FRY: variants seen among roughly 807,000 people sequenced by gnomAD.
The protein encoded by FRY is FRY microtubule binding protein.
A neutral mutation model predicts 348.4 loss-of-function variants in FRY; 128 were observed. That is an observed-to-expected ratio of 0.37 (90% confidence interval 0.32 to 0.43). The LOEUF (loss-of-function observed/expected upper bound fraction) is 0.43. Ranked by LOEUF, FRY falls within the 20% of genes least tolerant of loss-of-function variation. The pLI is 1.00. For synonymous variants in FRY, 1,370 were observed against 1,374.7 expected, an observed-to-expected ratio of 1.00 and a Z score of 0.08; for missense variants, 2,736 against 3,695.2, an observed-to-expected ratio of 0.74 and a Z score of 6.73.
At chr13:32,139,206 T>C (rs980788499) in intron 11 of FRY, among the ~76,000 whole-genome samples, 1 of 152,200 alleles carries the variant, frequency 6.6e-6, no homozygotes, top group African/African-American at 2.4e-5. Context: ...AAGAAATACC[T>C]GAGAAAAAAC....
intron 49 of FRY, among the ~76,000 whole-genome samples, chr13:32,250,150 C>A (rs753496781): frequency 1.7e-4 from 26 of 152,330 alleles, no homozygotes; most frequent in Non-Finnish European, 2.9e-4. Flanking sequence ...ACGGGCTGAG[C>A]CATGCAGATG....
chr13:32,209,126 T>G lies in FRY; in HGVS notation c.4275+17T>G, dbSNP rs377229088. The G allele has an allele frequency of 5.6e-6, 9 of 1,613,732 alleles. No homozygotes were observed. The African/African-American group carries it at 8.0e-5, about 14-fold the overall frequency. Reference sequence around the variant, plus strand: ...ACGGCCAAGGTAAACTCAGAGGAATTGTGCTTCAAATAGCATGGCTCCATC... The same window carrying G: ...ACGGCCAAGGTAAACTCAGAGGAATGGTGCTTCAAATAGCATGGCTCCATC... On this transcript the variant is annotated intron_variant, in intron 32 of 60. Transcript: ENST00000542859.
At position 32,124,778 on chromosome 13, in the gene FRY, A is replaced by C. The variant is rs763028454; in HGVS notation, c.636-17A>C. 5 of 1,593,552 alleles carry C rather than the reference A, an allele frequency of 3.1e-6. No individual in the cohort carries two copies. Among genetic ancestry groups the C allele is most frequent in the Non-Finnish European group, 4.3e-6 (5 of 1,161,218 alleles). ...ATGACCAGGGATCCCTAACTTGTCTAATTATACCCTACTTAGGTACCTTGG... is the reference window on the plus strand; with the variant it reads ...ATGACCAGGGATCCCTAACTTGTCTCATTATACCCTACTTAGGTACCTTGG... On this transcript the variant is annotated splice_polypyrimidine_tract_variant and intron_variant, in intron 6 of 60. Coordinates refer to ENST00000542859, the MANE Select transcript of FRY (RefSeq NM_023037.3).
rs191199652 is a variant in FRY, at chr13:32,274,512, G to A, written c.8137-330G>A. Reference sequence around the variant, plus strand: ...CACAAGGTCAGATCGAGACCATCCTGGCTAACACAGTGAAACCCCGTCTCT... The same window carrying A: ...CACAAGGTCAGATCGAGACCATCCTAGCTAACACAGTGAAACCCCGTCTCT... On this transcript the variant is annotated intron_variant, in intron 55 of 60. Coordinates refer to ENST00000542859, the MANE Select transcript of FRY (RefSeq NM_023037.3). 3.1e-4 allele frequency among the ~76,000 whole-genome samples: 47 copies of A among 151,724 alleles called. No homozygotes were observed. In the South Asian group the frequency reaches 3.5e-3, roughly 11 times the overall value.
At chr13:32,133,150 A>G (rs79651004) in intron 8 of FRY, among the ~76,000 whole-genome samples, 27,203 of 152,186 alleles carry the variant, frequency 0.18, 2,964 homozygotes, top group Non-Finnish European at 0.24. Context: ...GATTATACTA[A>G]AAGTCAATGA....
chr13:32,282,459 C>T (rs937840592), intron 58 of FRY, among the ~76,000 whole-genome samples: 9 of 152,202 alleles, frequency 5.9e-5, no homozygotes, highest in African/African-American at 1.9e-4. Flanking sequence ...TAGTGCTTAC[C>T]CGACTAAACC....
chr13:32,075,011 T>C (rs1310762850), intron 1 of FRY, among the ~76,000 whole-genome samples: 1 of 152,220 alleles, frequency 6.6e-6, no homozygotes, highest in Non-Finnish European at 1.5e-5. Context: ...GTTGATTCAG[T>C]CATTGCATTT....
chr13:32,090,688 A>G (rs960773818), intron 2 of FRY, among the ~76,000 whole-genome samples: 3 of 152,170 alleles, frequency 2.0e-5, no homozygotes, highest in Non-Finnish European at 4.4e-5. Flanking sequence ...TGTATCTTAC[A>G]TTTCTTAGTA....
In FRY at chr13:32,297,813, A is replaced by G. The variant is rs2072088871; in HGVS notation, c.*2353A>G. On this transcript the variant is annotated 3_prime_UTR_variant, in exon 61 of 61. Transcript: ENST00000542859. ...ATTGCCTTCCCCAGGGATACAAAGA[A>G]GTAGAAGTACCAAAGGAAAGGGTAG... 6.6e-6 allele frequency: 1 copy of G among 152,196 alleles called. No individual in the cohort carries two copies. Among genetic ancestry groups the G allele is most frequent in the Non-Finnish European group, 1.5e-5 (1 of 68,048 alleles). The allele number at this position is 152,196 out of a possible 1,614,324, so 9.4% of individuals were successfully genotyped here.
chr13:32,092,979 TTTTG>T (rs1189634205), intron 2 of FRY, among the ~76,000 whole-genome samples: 8 of 152,240 alleles, frequency 5.3e-5, no homozygotes, highest in African/African-American at 1.7e-4. Context: ...TGTTTTTAGT[TTTTG>T]TTTGTTTGTT....
At chr13:32,209,537 C>T (rs1272488523) in intron 32 of FRY, 48 bp from the exon 33 acceptor site, 1 of 1,596,312 alleles carries the variant, frequency 6.3e-7, no homozygotes, top group South Asian at 1.1e-5. Context: ...CCTTTTGCGT[C>T]CTTACAGTTT....
chr13:32,279,004 A>T (rs917393167), intron 58 of FRY, among the ~76,000 whole-genome samples: 2 of 148,788 alleles, frequency 1.3e-5, no homozygotes, highest in Non-Finnish European at 3.0e-5. Context: ...TAAAGGACAG[A>T]GTAAGAATGG....
Position 32,224,360 on chromosome 13 carries a change from A to C in FRY, c.4891A>C (p.Ile1631Leu). The change falls in exon 37 of 61, where the codon ATC (isoleucine) becomes CTC (leucine). Residue 1631 changes from isoleucine to leucine, a missense_variant. Transcript: ENST00000542859. ...APLVDYLPETITPRGPLHRCN... is the reference protein window; with the variant it reads ...APLVDYLPETLTPRGPLHRCN... ...CCTGGTTGACTATCTCCCGGAGACC[A>C]TCACTCCCCGGGGGCCACTCCACAG... is the stretch of plus-strand genomic sequence containing the variant. 1 of 1,613,982 alleles carries C rather than the reference A, an allele frequency of 6.2e-7. No individual in the cohort carries two copies. Among genetic ancestry groups the C allele is most frequent in the Non-Finnish European group, 8.5e-7 (1 of 1,179,920 alleles).
At chr13:32,271,093 C>G (rs2126043) in intron 55 of FRY, among the ~76,000 whole-genome samples, 1 of 152,078 alleles carries the variant, frequency 6.6e-6, no homozygotes, top group Non-Finnish European at 1.5e-5. Context: ...GCTCTTTCTC[C>G]ACCCTCTACC....
intron 46 of FRY, among the ~76,000 whole-genome samples, chr13:32,241,453 C>G (rs1035436775): frequency 1.3e-5 from 2 of 152,154 alleles, no homozygotes; most frequent in Non-Finnish European, 2.9e-5. Flanking sequence ...AGATTAAGCA[C>G]ATTTATAGAG....
rs972806010 is a variant in FRY, at chr13:32,263,267, G to A, written c.7779+792G>A. Among the ~76,000 whole-genome samples, 7 of 152,114 alleles carry A rather than the reference G, an allele frequency of 4.6e-5. No individual in the cohort carries two copies. In the East Asian group the frequency reaches 5.8e-4, roughly 13 times the overall value. On this transcript the variant is annotated intron_variant, in intron 53 of 60. Transcript: ENST00000542859. Reference sequence around the variant, plus strand: ...CAAGTTCAAAAGAAAAAATAAAATCGAAAAAATTTCATAAAAGTATATTCC... The same window carrying A: ...CAAGTTCAAAAGAAAAAATAAAATCAAAAAAATTTCATAAAAGTATATTCC...
chr13:32,255,578 G>A (rs978490539), intron 51 of FRY, among the ~76,000 whole-genome samples: 5 of 152,090 alleles, frequency 3.3e-5, no homozygotes, highest in South Asian at 2.1e-4. Context: ...GAGCAGATCC[G>A]GTCCGTAAGC....
intron 20 of FRY, among the ~76,000 whole-genome samples, chr13:32,176,296 C>T (rs1350930317): frequency 6.6e-6 from 1 of 152,198 alleles, no homozygotes; most frequent in East Asian, 1.9e-4. Context: ...AGTATAATAA[C>T]AGGACCTGGA....
intron 1 of FRY, among the ~76,000 whole-genome samples, chr13:32,034,579 C>T (rs563695729): frequency 3.9e-5 from 6 of 152,304 alleles, no homozygotes; most frequent in Non-Finnish European, 8.8e-5. Flanking sequence ...TGCTCTTATC[C>T]AGCCTTTCCC....
Sources: allele counts gnomAD v4.1 joint callset (sites outside exome capture counted in the v4.1 genomes callset), GRCh38; gene constraint gnomAD v4.1.1; transcripts MANE v1.5; gene names NCBI Gene and HGNC (gene_info 2026-07-23, HGNC 2026-07-21).